The following COG5 variants were observed in gnomAD, a reference collection of about 807,000 sequenced individuals.
COG5 encodes the protein component of oligomeric golgi complex 5, also known as conserved oligomeric Golgi complex subunit 5.
In COG5, 86 loss-of-function variants were observed where a neutral mutation model predicts 110.4. That is an observed-to-expected ratio of 0.78 (90% CI 0.65 to 0.93). COG5 has a LOEUF of 0.93. Ranked by LOEUF, COG5 falls within the 40% of genes least tolerant of loss-of-function variation. COG5 has a pLI of 0.00. For missense variants in COG5, 1,077 were observed against 987.0 expected (o/e 1.09, Z -1.22); for synonymous variants, 360 against 334.6 (o/e 1.08, Z -0.83).
intron 6 of COG5, among the ~76,000 whole-genome samples, chr7:107,512,480 T>C (rs1799596184): frequency 6.6e-6 from 1 of 152,090 alleles, no homozygotes; most frequent in African/African-American, 2.4e-5. Context: ...CCCAAGGTAA[T>C]TTATAGATTC....
intron 12 of COG5, among the ~76,000 whole-genome samples, 199 bp from the exon 13 acceptor site, chr7:107,283,931 CT>C (rs71522833): frequency 1.5e-4 from 22 of 142,564 alleles, no homozygotes; most frequent in Admixed American, 2.1e-4. Context: ...CCATAGTAAC[CT>C]TTTTTTTTTT....
intron 7 of COG5, among the ~76,000 whole-genome samples, chr7:107,391,621 C>A (rs983639496): frequency 1.3e-5 from 2 of 152,144 alleles, no homozygotes; most frequent in African/African-American, 2.4e-5. Context: ...TCAAGTCTTA[C>A]CTTTAGGTCT....
At position 107,491,824 on chromosome 7, in the gene COG5, A is replaced by G. The variant is rs527784614; in HGVS notation, c.538+35413T>C. Among the ~76,000 whole-genome samples the G allele has an allele frequency of 9.9e-5, 15 of 152,222 alleles. No homozygotes were observed. In the South Asian group the frequency reaches 3.1e-3, roughly 32 times the overall value. ...CACTGTACTAAAATCTTGAATAAAT[A>G]TATTCTTCTGTAAGAAATTAAATAA... On this transcript the variant is annotated intron_variant, in intron 6 of 21. Coordinates refer to ENST00000297135, the MANE Select transcript of COG5 (RefSeq NM_006348.5).
At chr7:107,522,194 C>T (rs563257459) in intron 6 of COG5, among the ~76,000 whole-genome samples, 5 of 152,174 alleles carry the variant, frequency 3.3e-5, no homozygotes, top group African/African-American at 7.2e-5. Flanking sequence ...CTAGGCCAGG[C>T]GCAGTGGCTC....
chr7:107,225,935 C>T lies in COG5; in HGVS notation c.2168+4680G>A, dbSNP rs1036999999. Among the ~76,000 whole-genome samples, 11 of 151,976 alleles carry T rather than the reference C, an allele frequency of 7.2e-5. 1 individual carries two copies. Among genetic ancestry groups the T allele is most frequent in the Admixed American group, 5.9e-4 (9 of 15,266 alleles). On this transcript the variant is annotated intron_variant, in intron 19 of 21. Coordinates refer to ENST00000297135, the MANE Select transcript of COG5 (RefSeq NM_006348.5). The stretch of plus-strand genomic sequence containing the variant: ...GCAGGGGCCTGTAATCCCAGCTATT[C>T]GGGAGGCTGATGCAGGAGAATCGCT...
chr7:107,510,796 T>A (rs1369664434), intron 6 of COG5, among the ~76,000 whole-genome samples: 2 of 152,172 alleles, frequency 1.3e-5, no homozygotes, highest in Admixed American at 1.3e-4. Context: ...GAATGACTAC[T>A]GGGTACATAA....
At chr7:107,508,624 AC>A (rs920637259) in intron 6 of COG5, among the ~76,000 whole-genome samples, 2 of 151,962 alleles carry the variant, frequency 1.3e-5, no homozygotes, top group Admixed American at 6.6e-5. Context: ...ACTGGGAGGC[AC>A]CCCCCAGTAG....
chr7:107,482,660 A>G (rs913762720), intron 6 of COG5, among the ~76,000 whole-genome samples: 10 of 152,270 alleles, frequency 6.6e-5, no homozygotes, highest in African/African-American at 2.4e-4. Flanking sequence ...GTTGGATTAT[A>G]TATACTATAA....
At chr7:107,460,636 A>G (rs901539025) in intron 6 of COG5, among the ~76,000 whole-genome samples, 2 of 149,054 alleles carry the variant, frequency 1.3e-5, no homozygotes, top group Non-Finnish European at 2.9e-5. Context: ...GAAAAAGAAC[A>G]TAACAACATT....
chr7:107,487,047 G>A (rs1268668703), intron 6 of COG5, among the ~76,000 whole-genome samples: 1 of 151,882 alleles, frequency 6.6e-6, no homozygotes, highest in African/African-American at 2.4e-5. Flanking sequence ...ATTGTGGTGA[G>A]GAACCAAATA....
chr7:107,311,913 G>A (rs990976611), intron 11 of COG5, among the ~76,000 whole-genome samples: 7 of 151,658 alleles, frequency 4.6e-5, no homozygotes, highest in Non-Finnish European at 8.8e-5. Context: ...TGTTGAATCA[G>A]AAAATTTTCC....
intron 6 of COG5, among the ~76,000 whole-genome samples, chr7:107,506,461 C>A (rs977402518): frequency 6.6e-6 from 1 of 152,138 alleles, no homozygotes; most frequent in Non-Finnish European, 1.5e-5. Flanking sequence ...CAAGCAGCAG[C>A]CCCTGGGCAG....
intron 21 of COG5, among the ~76,000 whole-genome samples, chr7:107,206,891 T>G (rs928579215): frequency 6.6e-6 from 1 of 152,194 alleles, no homozygotes; most frequent in Non-Finnish European, 1.5e-5. Context: ...AGCAAAACAT[T>G]AGCTTTCTTG....
chr7:107,289,287 G>T (rs919277195), intron 12 of COG5, among the ~76,000 whole-genome samples: 4 of 152,056 alleles, frequency 2.6e-5, no homozygotes, highest in Admixed American at 1.3e-4. Context: ...TCGATTGAAA[G>T]AATGGTCTTT....
intron 6 of COG5, among the ~76,000 whole-genome samples, chr7:107,469,255 G>C (rs1796490377): frequency 6.6e-6 from 1 of 151,624 alleles, no homozygotes; most frequent in African/African-American, 2.4e-5. Context: ...AATGTGCCCA[G>C]GTCAAAAATA....
chr7:107,244,367 CA>C (rs760144916), intron 17 of COG5, among the ~76,000 whole-genome samples: 1 of 152,138 alleles, frequency 6.6e-6, no homozygotes, highest in Non-Finnish European at 1.5e-5. Context: ...ATGCTGACAT[CA>C]AAAAGCCAAA....
At chr7:107,320,643 G>A (rs918936596) in intron 11 of COG5, among the ~76,000 whole-genome samples, 3 of 152,062 alleles carry the variant, frequency 2.0e-5, no homozygotes, top group Admixed American at 2.0e-4. Context: ...AGGTTAGGTT[G>A]GTCAGTAAAA....
chr7:107,379,735 C>T lies in COG5; in HGVS notation c.670-6975G>A, dbSNP rs567071639. Among the ~76,000 whole-genome samples the T allele has an allele frequency of 2.2e-4, 34 of 152,184 alleles. No individual in the cohort carries two copies. The South Asian group carries it at 6.9e-3, about 31-fold the overall frequency. ...TAATGCAACAAGACGAGCTAACTAT[C>T]CCAAGTATATATGCACCCAGTACAG... On this transcript the variant is annotated intron_variant, in intron 7 of 21. Transcript: ENST00000297135.
rs1437963350 is a variant in COG5, at chr7:107,412,495, T to C, written c.669+7A>G. 2 of 1,612,148 alleles carry C rather than the reference T, an allele frequency of 1.2e-6. No homozygotes were observed. The highest frequency in any genetic ancestry group is 1.7e-6 in the Non-Finnish European group (2 of 1,179,492). ...TTTACATTAAAAAACAGTCTTATTTTTATTACCTGAGTCTCCAAACCCTGC... is the reference window on the plus strand; with the variant it reads ...TTTACATTAAAAAACAGTCTTATTTCTATTACCTGAGTCTCCAAACCCTGC... On this transcript the variant is annotated splice_region_variant and intron_variant, in intron 7 of 21. Coordinates refer to ENST00000297135, the MANE Select transcript of COG5 (RefSeq NM_006348.5).
Sources: allele counts gnomAD v4.1 joint callset (sites outside exome capture counted in the v4.1 genomes callset), GRCh38; gene constraint gnomAD v4.1.1; transcripts MANE v1.5; gene names NCBI Gene and HGNC (gene_info 2026-07-23, HGNC 2026-07-21).